The following ENTPD2 variants were observed in gnomAD, a reference collection of about 807,000 sequenced individuals.
The protein encoded by ENTPD2 is CD39 antigen-like 1.
A neutral mutation model predicts 46.8 loss-of-function variants in ENTPD2; 48 were observed. That is an observed-to-expected ratio of 1.03 (90% CI 0.81 to 1.30). The LOEUF is 1.30. ENTPD2 is among the 50% of genes most tolerant of loss of function. The pLI, the probability that ENTPD2 is intolerant of heterozygous loss-of-function variation, is 0.00. For missense variants in ENTPD2, 707 were observed against 651.1 expected, an observed-to-expected ratio of 1.09 and a Z score of -0.93; for synonymous variants, 316 against 286.1, an observed-to-expected ratio of 1.10 and a Z score of -1.06.
At chr9:137,053,638 G>C (rs1346410509) in intron 1 of ENTPD2, among the ~76,000 whole-genome samples, 1 of 151,860 alleles carries the variant, frequency 6.6e-6, no homozygotes, top group Non-Finnish European at 1.5e-5. Flanking sequence ...GGCGGGCGCG[G>C]AACTCCCGGG....
Position 137,049,926 on chromosome 9 carries a change from T to C in ENTPD2, c.1093A>G (p.Thr365Ala), listed in dbSNP as rs773432838. ...GCGGCTGCCTCCAGCTGCTGCAGGG[T>C]GGCCACGGGCAGCCCCATCGAAGTC... is the stretch of plus-strand genomic sequence containing the variant. ...LRTSMGLPVATLQQLEAAAVN... is the reference protein window; with the variant it reads ...LRTSMGLPVAALQQLEAAAVN... The change falls in exon 7 of 9, where the codon ACC (threonine) becomes GCC (alanine). Residue 365 changes from threonine (T) to alanine (A), a missense_variant. Coordinates refer to ENST00000355097, the MANE Select transcript of ENTPD2 (RefSeq NM_203468.3). 1 of 1,612,428 alleles carries C rather than the reference T, an allele frequency of 6.2e-7. No individual in the cohort carries two copies. Among genetic ancestry groups the C allele is most frequent in the East Asian group, 2.2e-5 (1 of 44,874 alleles).
In ENTPD2 at chr9:137,049,866, T is replaced by G. The variant is rs369943432; in HGVS notation, c.1149+4A>C. The G allele has an allele frequency of 1.7e-5, 27 of 1,609,014 alleles. No individual in the cohort carries two copies. Among genetic ancestry groups the G allele is most frequent in the Non-Finnish European group, 6.8e-6 (8 of 1,178,432 alleles). Reference sequence around the variant, plus strand: ...AGCCCTGAAGGAGTGGGAGCGGGGCTCACCTGAGCCCAGGTCTGGTTGCAG... The same window carrying G: ...AGCCCTGAAGGAGTGGGAGCGGGGCGCACCTGAGCCCAGGTCTGGTTGCAG... On this transcript the variant is annotated splice_donor_region_variant and intron_variant, in intron 7 of 8. Coordinates refer to ENST00000355097, the MANE Select transcript of ENTPD2 (RefSeq NM_203468.3).
rs200217940 is a variant in ENTPD2 at position 137,052,289 on chromosome 9, C to T, written c.177G>A (p.Pro59=). 3.7e-5 allele frequency: 59 copies of T among 1,610,826 alleles called. No homozygotes were observed. The highest frequency in any genetic ancestry group is 1.3e-4 in the Admixed American group (8 of 59,930). Residue 59 remains proline, a synonymous_variant, in exon 2 of 9, where the codon CCG becomes CCA. Transcript: ENST00000355097. ...TGCCTGTGTCGTTCTCCTTGTCTGC[C>T]GGCCACTTGTAGATAAACATGGACG... ...SHTSMFIYKW[P]ADKENDTGIV...
At position 137,053,091 on chromosome 9, in the gene ENTPD2, G is replaced by A. The variant is rs1454420086; in HGVS notation, c.118-743C>T. On this transcript the variant is annotated intron_variant, in intron 1 of 8. Transcript: ENST00000355097. ...CGGGCGCCAATTCCAGCCTCCGAGA[G>A]GGCCGCACCAGTCCATCCCGACCAA... The A allele has an allele frequency of 2.0e-5, 3 of 152,400 alleles. No homozygotes were observed. The East Asian group carries it at 5.8e-4, about 29-fold the overall frequency. 9.4% of individuals were successfully genotyped at this position (152,400 alleles called of 1,614,324 possible).
chr9:137,051,657 C>T lies in ENTPD2; in HGVS notation c.239G>A (p.Gly80Glu). 6.2e-7 allele frequency: 1 copy of T among 1,609,108 alleles called. No individual in the cohort carries two copies. Among genetic ancestry groups the T allele is most frequent in the South Asian group, 1.1e-5 (1 of 90,688 alleles). ...GTTGTCTGCATAGCTGGAGATGCCC[C>T]CACCTAGAGGGAGGCAGAGAGATGA... ...GQHSSCDVPGGGISSYADNPS... is the reference protein window; with the variant it reads ...GQHSSCDVPGEGISSYADNPS... The change falls in exon 3 of 9, where the codon GGG (glycine) becomes GAG (glutamate). Residue 80 changes from glycine to glutamate, a missense_variant. Physicochemically the swap from Gly to Glu is moderately conservative, Grantham distance 98 (BLOSUM62 -2). Transcript: ENST00000355097.
rs750125894 is a variant in ENTPD2 at position 137,049,952 on chromosome 9, C to T, written c.1067G>A (p.Arg356Gln). Reference sequence around the variant, plus strand: ...GGCCACGGGCAGCCCCATCGAAGTCCGCAAAAAGTCCACAGTGTAGAAGAA... The same window carrying T: ...GGCCACGGGCAGCCCCATCGAAGTCTGCAAAAAGTCCACAGTGTAGAAGAA... ...SAFFYTVDFL[R>Q]TSMGLPVATL... Residue 356 changes from arginine to glutamine, a missense_variant, in exon 7 of 9, where the codon CGG (arginine) becomes CAG (glutamine). By Grantham distance (43) the Arg-to-Gln change is conservative. Transcript: ENST00000355097. 13 of 1,612,602 alleles carry T rather than the reference C, an allele frequency of 8.1e-6. No homozygotes were observed. The highest frequency in any genetic ancestry group is 4.5e-5 in the East Asian group (2 of 44,882).
chr9:137,049,495 G>A (rs1051944773), intron 7 of ENTPD2: 7 of 442,882 alleles, frequency 1.6e-5, no homozygotes, highest in South Asian at 6.7e-5. Context: ...TCACCACCCC[G>A]GTCCTGGGAC....
In ENTPD2 at chr9:137,052,284, T is replaced by G; in HGVS notation, c.182A>C (p.Asp61Ala). 1 of 1,611,176 alleles carries G rather than the reference T, an allele frequency of 6.2e-7. No homozygotes were observed. Among genetic ancestry groups the G allele is most frequent in the Non-Finnish European group, 8.5e-7 (1 of 1,178,996 alleles). ...TSMFIYKWPADKENDTGIVGQ... is the reference protein window; with the variant it reads ...TSMFIYKWPAAKENDTGIVGQ... ...CACAATGCCTGTGTCGTTCTCCTTG[T>G]CTGCCGGCCACTTGTAGATAAACAT... The change falls in exon 2 of 9, where the codon GAC becomes GCC. Residue 61 changes from aspartate to alanine, a missense_variant. Physicochemically the swap from Asp to Ala is moderately radical, Grantham distance 126 (BLOSUM62 -2). Coordinates refer to ENST00000355097, the MANE Select transcript of ENTPD2 (RefSeq NM_203468.3).
At chr9:137,049,322 G>A in intron 7 of ENTPD2, 2 of 714,544 alleles carry the variant, frequency 2.8e-6, no homozygotes, top group Non-Finnish European at 5.0e-6. Flanking sequence ...GGGACAGCAG[G>A]CATGGCCACC....
Position 137,050,923 on chromosome 9 carries a change from C to G in ENTPD2, c.753G>C (p.Arg251Ser). ...LCYGRDQVLQ[R>S]LLASALQTHG... Reference sequence around the variant, plus strand: ...GCACCTGGAGGGCGCTGGCCAGCAGCCTCTGGAGGACCTGGTCACGGCCAT... The same window carrying G: ...GCACCTGGAGGGCGCTGGCCAGCAGGCTCTGGAGGACCTGGTCACGGCCAT... The change falls in exon 5 of 9, where the codon AGG becomes AGC. Residue 251 changes from arginine to serine, a missense_variant. Physicochemically the swap from Arg to Ser is moderately radical, Grantham distance 110. Transcript: ENST00000355097. 6.2e-7 allele frequency: 1 copy of G among 1,611,938 alleles called. No individual in the cohort carries two copies. Among genetic ancestry groups the G allele is most frequent in the Non-Finnish European group, 8.5e-7 (1 of 1,180,000 alleles).
At chr9:137,051,452 C>G (rs1832295316) in intron 3 of ENTPD2, 58 bp downstream of exon 3, 1 of 1,547,100 alleles carries the variant, frequency 6.5e-7, no homozygotes, top group Non-Finnish European at 8.7e-7. Context: ...GTCCGCCCTG[C>G]AAGGGGTCAC....
In ENTPD2 at chr9:137,049,878, A is replaced by C; in HGVS notation, c.1141T>G (p.Trp381Gly). 6.2e-7 allele frequency: 1 copy of C among 1,611,140 alleles called. No homozygotes were observed. Among genetic ancestry groups the C allele is most frequent in the Non-Finnish European group, 8.5e-7 (1 of 1,179,412 alleles). The change falls in exon 7 of 9, where the codon TGG (tryptophan) becomes GGG (glycine). Residue 381 changes from tryptophan (W) to glycine (G), a missense_variant. Coordinates refer to ENST00000355097, the MANE Select transcript of ENTPD2 (RefSeq NM_203468.3). ...AAAVNVCNQTWAQLQARVPGQ... is the reference protein window; with the variant it reads ...AAAVNVCNQTGAQLQARVPGQ... ...GTGGGAGCGGGGCTCACCTGAGCCC[A>C]GGTCTGGTTGCAGACATTCACTGCG...
chr9:137,049,263 G>T (rs776632994), intron 7 of ENTPD2, 188 bp from the exon 8 acceptor site: 2 of 985,784 alleles, frequency 2.0e-6, no homozygotes, highest in Non-Finnish European at 3.1e-6. Flanking sequence ...GGCAGGGCAC[G>T]CTTCCATCCC....
chr9:137,049,779 G>A (rs560275916), intron 7 of ENTPD2, 91 bp downstream of exon 7: 201 of 1,427,234 alleles, frequency 1.4e-4, no homozygotes, highest in Non-Finnish European at 1.4e-4. Flanking sequence ...CGGGTGCTCC[G>A]AGAGGCCTGT....
In ENTPD2 at chr9:137,051,078, T is replaced by C. The variant is rs763472190; in HGVS notation, c.598A>G (p.Met200Val). ...FRPRKGTLGA[M>V]DLGGASTQIT... ...TGGGTAGAGGCACCCCCCAGGTCCA[T>C]GGCCCCCAGTGTCCCCTTCCGTGGC... The change falls in exon 5 of 9, where the codon ATG (methionine) becomes GTG (valine). Residue 200 changes from methionine (M) to valine (V), a missense_variant. Coordinates refer to ENST00000355097, the MANE Select transcript of ENTPD2 (RefSeq NM_203468.3). 3.7e-6 allele frequency: 6 copies of C among 1,612,824 alleles called. No individual in the cohort carries two copies. In the South Asian group the frequency reaches 4.4e-5, roughly 12 times the overall value.
intron 1 of ENTPD2, chr9:137,052,765 C>T (rs1454693936): frequency 6.5e-6 from 1 of 154,540 alleles, no homozygotes. Context: ...CCTCTTCCTT[C>T]CTCCTCTGTC....
At position 137,051,134 on chromosome 9, in the gene ENTPD2, G is replaced by C; in HGVS notation, c.547-5C>G. The C allele has an allele frequency of 6.2e-7, 1 of 1,612,788 alleles. No homozygotes were observed. The highest frequency in any genetic ancestry group is 8.5e-7 in the Non-Finnish European group (1 of 1,179,940). On this transcript the variant is annotated splice_region_variant and splice_polypyrimidine_tract_variant and intron_variant, in intron 4 of 8. Transcript: ENST00000355097. ...CCACCGGCCCACCCAGCCGTACTGT[G>C]GAGAGGGGAGTGTGGGGTCAACCAG...
At chr9:137,049,442 T>A (rs900773856) in intron 7 of ENTPD2, 10 of 514,178 alleles carry the variant, frequency 1.9e-5, no homozygotes, top group Non-Finnish European at 3.5e-5. Flanking sequence ...CTCACCCCAG[T>A]CTGTCTGAGA....
rs1832188525 is a variant in ENTPD2 at position 137,048,670 on chromosome 9, G to C, written c.1475C>G (p.Pro492Arg). Residue 492 changes from proline (P) to arginine (R), a missense_variant, in exon 9 of 9, where the codon CCA becomes CGA. Physicochemically the swap from Pro to Arg is moderately radical, Grantham distance 103. Coordinates refer to ENST00000355097, the MANE Select transcript of ENTPD2 (RefSeq NM_203468.3). ...LLRQVHSAKL[P>R]STI Reference sequence around the variant, plus strand: ...CCCCGTCGGCCCCTAAATGGTGCTTGGCAGCTTGGCGGAGTGCACCTGACG... The same window carrying C: ...CCCCGTCGGCCCCTAAATGGTGCTTCGCAGCTTGGCGGAGTGCACCTGACG... 1.9e-6 allele frequency: 3 copies of C among 1,595,838 alleles called. No individual in the cohort carries two copies. Among genetic ancestry groups the C allele is most frequent in the Non-Finnish European group, 1.7e-6 (2 of 1,172,634 alleles).
Sources: allele counts gnomAD v4.1 joint callset (sites outside exome capture counted in the v4.1 genomes callset), GRCh38; gene constraint gnomAD v4.1.1; transcripts MANE v1.5; gene names NCBI Gene and HGNC (gene_info 2026-07-23, HGNC 2026-07-21).